BICD1: variants seen among roughly 807,000 people sequenced by gnomAD.
BICD1 encodes the protein protein bicaudal D homolog 1.
A neutral mutation model predicts 92.5 loss-of-function variants in BICD1; 35 were observed. The ratio of observed to expected loss-of-function variants is 0.38; its 90% confidence interval spans 0.29 to 0.50. BICD1 has a LOEUF of 0.50. Ranked by LOEUF, BICD1 falls within the 20% of genes least tolerant of loss-of-function variation. The probability of loss-of-function intolerance (pLI) is 0.93; values close to 1 mark genes in which losing one functional copy is unlikely to be tolerated. For missense variants in BICD1, 950 were observed against 1,189.8 expected (o/e 0.80, Z 2.97); for synonymous variants, 429 against 465.1 (o/e 0.92, Z 1.00).
intron 2 of BICD1, among the ~76,000 whole-genome samples, chr12:32,257,673 A>T (rs1377637104): frequency 6.6e-6 from 1 of 152,200 alleles, no homozygotes; most frequent in East Asian, 1.9e-4. Flanking sequence ...TTGAGTCAGA[A>T]GATGTAGACA....
chr12:32,306,885 G>A (rs1948243057), intron 4 of BICD1, among the ~76,000 whole-genome samples: 1 of 83,532 alleles, frequency 1.2e-5, no homozygotes, highest in Non-Finnish European at 2.9e-5. Context: ...ACGTGGTGGT[G>A]GGTGCCTGTA....
chr12:32,259,447 G>T (rs1298481931), intron 2 of BICD1, among the ~76,000 whole-genome samples: 1 of 152,220 alleles, frequency 6.6e-6, no homozygotes, highest in East Asian at 1.9e-4. Context: ...TATCCTAACA[G>T]TGACACATGA....
chr12:32,168,959 T>G (rs1001659632), intron 1 of BICD1, among the ~76,000 whole-genome samples: 21 of 10,410 alleles, frequency 2.0e-3, no homozygotes, highest in African/African-American at 8.6e-3. Context: ...CGAAACTTCA[T>G]CTCAAACAAA....
Position 32,163,192 on chromosome 12 carries a change from C to T in BICD1, c.214-53055C>T, listed in dbSNP as rs535740930. On this transcript the variant is annotated intron_variant, in intron 1 of 9. Coordinates refer to ENST00000652176, the MANE Select transcript of BICD1 (RefSeq NM_001714.4). ...CACCTAAGCAACCCCAAATTGAGAA[C>T]GATTTTCATTATAATAGATTTTCAT... Among the ~76,000 whole-genome samples, 18 of 151,966 alleles carry T rather than the reference C, an allele frequency of 1.2e-4. No individual in the cohort carries two copies. In the South Asian group the frequency reaches 1.9e-3, roughly 16 times the overall value.
chr12:32,245,830 G>C (rs1225129007), intron 2 of BICD1, among the ~76,000 whole-genome samples: 1 of 151,582 alleles, frequency 6.6e-6, no homozygotes, highest in Non-Finnish European at 1.5e-5. Flanking sequence ...AGGAGTTCGA[G>C]ACCAGTCTGG....
chr12:32,172,308 C>A (rs2121515627), intron 1 of BICD1, among the ~76,000 whole-genome samples: 1 of 152,290 alleles, frequency 6.6e-6, no homozygotes, highest in South Asian at 2.1e-4. Flanking sequence ...GATGAAAAGA[C>A]AAGTTTCCTT....
intron 9 of BICD1, among the ~76,000 whole-genome samples, chr12:32,373,022 T>TTGA (rs1318341453): frequency 6.6e-6 from 1 of 152,206 alleles, no homozygotes; most frequent in African/African-American, 2.4e-5. Flanking sequence ...GGATATAATA[T>TTGA]TGAAATATAT....
At chr12:32,183,082 G>C (rs1020051246) in intron 1 of BICD1, among the ~76,000 whole-genome samples, 3 of 150,930 alleles carry the variant, frequency 2.0e-5, no homozygotes, top group African/African-American at 4.9e-5. Context: ...TAAATGTTTT[G>C]TAGAGACGGA....
intron 2 of BICD1, among the ~76,000 whole-genome samples, chr12:32,229,944 A>G (rs1945824429): frequency 6.6e-6 from 1 of 152,112 alleles, no homozygotes; most frequent in African/African-American, 2.4e-5. Flanking sequence ...ATCTAGTACA[A>G]AAATGGAGGG....
intron 1 of BICD1, among the ~76,000 whole-genome samples, chr12:32,186,411 C>T (rs4931617): frequency 0.33 from 49,684 of 151,974 alleles, 8,623 homozygotes; most frequent in Admixed American, 0.48. Context: ...CCGTATTGGA[C>T]CACAGAACCT....
intron 8 of BICD1, among the ~76,000 whole-genome samples, chr12:32,361,170 C>CT (rs1462123071): frequency 1.3e-5 from 2 of 152,164 alleles, no homozygotes; most frequent in Non-Finnish European, 2.9e-5. Flanking sequence ...GATTTCCTTT[C>CT]TTATCACCTC....
intron 4 of BICD1, among the ~76,000 whole-genome samples, chr12:32,321,965 C>T (rs1948671785): frequency 6.6e-6 from 1 of 152,134 alleles, no homozygotes; most frequent in Non-Finnish European, 1.5e-5. Context: ...CACCATTGCA[C>T]TCCAGCCTGG....
At chr12:32,365,714 TA>T (rs1359722607) in intron 8 of BICD1, among the ~76,000 whole-genome samples, 1 of 152,164 alleles carries the variant, frequency 6.6e-6, no homozygotes, top group African/African-American at 2.4e-5. Context: ...GTTGTCAAAT[TA>T]GTCTAAGACA....
intron 2 of BICD1, among the ~76,000 whole-genome samples, chr12:32,227,061 T>C (rs1353368705): frequency 6.6e-6 from 1 of 152,006 alleles, no homozygotes; most frequent in African/African-American, 2.4e-5. Context: ...CCAAGGGAGC[T>C]GGATGGACTG....
intron 1 of BICD1, among the ~76,000 whole-genome samples, chr12:32,198,330 C>CTATCTATATATA (rs1555145675): frequency 2.0e-4 from 24 of 117,774 alleles, no homozygotes; most frequent in African/African-American, 6.8e-4. Flanking sequence ...ATGCATCTAT[C>CTATCTATATATA]TATATATATA....
intron 2 of BICD1, among the ~76,000 whole-genome samples, chr12:32,292,159 C>T (rs1474746514): frequency 6.6e-6 from 1 of 152,142 alleles, no homozygotes; most frequent in Non-Finnish European, 1.5e-5. Context: ...GGGCCATGCT[C>T]CCTCTGGCAG....
chr12:32,254,660 C>T (rs540229428), intron 2 of BICD1, among the ~76,000 whole-genome samples: 41 of 152,104 alleles, frequency 2.7e-4, no homozygotes, highest in Non-Finnish European at 5.6e-4. Flanking sequence ...TTGGGACAGT[C>T]GCATCATCTG....
chr12:32,189,698 A>ATT (rs199713940), intron 1 of BICD1, among the ~76,000 whole-genome samples: 31 of 140,554 alleles, frequency 2.2e-4, no homozygotes, highest in African/African-American at 6.0e-4. Flanking sequence ...AAGTGTAGTA[A>ATT]TTTTTTTTTT....
At chr12:32,154,969 C>T (rs1044652730) in intron 1 of BICD1, among the ~76,000 whole-genome samples, 1 of 151,996 alleles carries the variant, frequency 6.6e-6, no homozygotes, top group Non-Finnish European at 1.5e-5. Flanking sequence ...ATTGTTTCTG[C>T]AATTAGACAG....
Sources: gnomAD v4.1 joint callset for allele counts (sites outside exome capture counted in the v4.1 genomes callset) on GRCh38, gnomAD v4.1.1 for gene constraint, MANE v1.5 for transcripts, NCBI Gene and HGNC (gene_info 2026-07-23, HGNC 2026-07-21) for gene names.